The following RTL9 variants were observed in gnomAD, a reference collection of about 807,000 sequenced individuals.
RTL9 encodes the protein retrotransposon Gag-like protein 9.
RTL9 carries 19 observed loss-of-function variants against 44.7 expected under a neutral mutation model. The observed-to-expected ratio is 0.42, with a 90% CI of 0.30 to 0.62. The LOEUF (loss-of-function observed/expected upper bound fraction) is 0.62, where lower values mean the gene tolerates loss of function less well. Ranked by LOEUF, RTL9 falls within the 20% of genes least tolerant of loss-of-function variation. The probability of loss-of-function intolerance (pLI) is 0.16; values close to 1 mark genes in which losing one functional copy is unlikely to be tolerated. For missense variants in RTL9, 1,105 were observed against 1,080.6 expected (o/e 1.02, Z -0.32); for synonymous variants, 407 against 398.9 (o/e 1.02, Z -0.24).
At position 110,392,001 on chromosome X, in the gene RTL9, CAAT is replaced by C. The variant is rs1182523843; in HGVS notation, c.-168+33090_-168+33092del. ...AAACATAATGTTTCATTTAAAAGAC[CAAT>C]AATATTGAATTAAGATAAAGTTCCC... On this transcript the variant is annotated intron_variant, in intron 1 of 2. Transcript: ENST00000520821. Among the ~76,000 whole-genome samples, 5 of 111,960 alleles carry C rather than the reference CAAT, an allele frequency of 4.5e-5. No homozygotes were observed. The South Asian group carries it at 1.8e-3, about 41-fold the overall frequency.
At chrX:110,452,872 A>C (rs764974976) in exon 1 of RTL9, 10 of 1,211,150 alleles carry the variant, frequency 8.3e-6, no homozygotes, top group Non-Finnish European at 1.1e-5. Context: ...CCAACCTCTG[A>C]TGTGATGTCC....
chrX:110,451,100 T>G, exon 1 of RTL9: 1 of 1,212,324 alleles, frequency 8.2e-7, no homozygotes, highest in Non-Finnish European at 1.1e-6. Context: ...CACCAGATTC[T>G]GCAGAGATAT....
chrX:110,452,859 TC>T lies in RTL9; in HGVS notation c.2246del (p.Pro749GlnfsTer5). 1 of 1,210,555 alleles carries T rather than the reference TC, an allele frequency of 8.3e-7. No individual in the cohort carries two copies. The highest frequency in any genetic ancestry group is 1.1e-6 in the Non-Finnish European group (1 of 895,149). Reference sequence around the variant, plus strand: ...GACCGCTGGAGGGATGCAGATGAATTCCCCAACCTCTGATGTGATGTCCACA... The same window carrying T: ...GACCGCTGGAGGGATGCAGATGAATTCCCAACCTCTGATGTGATGTCCACA... On this transcript the variant is annotated frameshift_variant, in exon 1 of 2. Transcript: ENST00000540313. LOFTEE classifies it high-confidence loss of function.
chrX:110,426,397 T>G (rs1418493253), intron 1 of RTL9, among the ~76,000 whole-genome samples: 1 of 111,903 alleles, frequency 8.9e-6, no homozygotes, highest in Non-Finnish European at 1.9e-5. Context: ...GCTGGTAGTC[T>G]GCTTGCCCAC....
chrX:110,453,481 G>T, exon 1 of RTL9: 1 of 1,212,009 alleles, frequency 8.3e-7, no homozygotes, highest in Non-Finnish European at 1.1e-6. Flanking sequence ...CCATTAATGA[G>T]AGCCCCGGCC....
intron 1 of RTL9, among the ~76,000 whole-genome samples, chrX:110,359,297 CT>C (rs750661684): frequency 9.0e-6 from 1 of 110,915 alleles, no homozygotes; most frequent in Non-Finnish European, 1.9e-5. Flanking sequence ...ACCCCTTTGG[CT>C]TTTTTTTCAC....
intron 1 of RTL9, among the ~76,000 whole-genome samples, chrX:110,384,226 A>T (rs180961386): frequency 3.6e-5 from 4 of 111,109 alleles, no homozygotes; most frequent in Non-Finnish European, 7.5e-5. Flanking sequence ...TCTCCCCCAT[A>T]GTGCCTGGTG....
chrX:110,450,939 T>C, exon 1 of RTL9: 1 of 1,211,803 alleles, frequency 8.3e-7, no homozygotes. Flanking sequence ...AATGCCAGCC[T>C]CAGACTCTGG....
Position 110,378,165 on chromosome X carries a change from G to C in RTL9, c.-168+19249G>C, listed in dbSNP as rs941518685. 6.3e-5 allele frequency among the ~76,000 whole-genome samples: 7 copies of C among 111,658 alleles called. No homozygotes were observed. In the South Asian group the frequency reaches 2.6e-3, roughly 42 times the overall value. On this transcript the variant is annotated intron_variant, in intron 1 of 2. Coordinates refer to the RTL9 transcript ENST00000520821. ...CCCATTTTTTTGGCTACAAGGCTCA[G>C]CTTTGGGGCTGTAAATGTGAAATAT...
At chrX:110,364,644 GA>G in intron 1 of RTL9, among the ~76,000 whole-genome samples, 1 of 111,629 alleles carries the variant, frequency 9.0e-6, no homozygotes, top group Non-Finnish European at 1.9e-5. Context: ...GGCTAAAATG[GA>G]AAAAATTGAG....
chrX:110,441,065 C>T (rs2068876553), intron 1 of RTL9, among the ~76,000 whole-genome samples: 1 of 111,728 alleles, frequency 9.0e-6, no homozygotes, highest in Admixed American at 9.5e-5. Flanking sequence ...TTGGACTGGC[C>T]CTGGGGTTTA....
chrX:110,404,399 C>T (rs750551971), intron 1 of RTL9, among the ~76,000 whole-genome samples: 1 of 111,601 alleles, frequency 9.0e-6, no homozygotes, highest in Non-Finnish European at 1.9e-5. Context: ...GGTGCTTTTC[C>T]GATCAGTTTC....
intron 1 of RTL9, among the ~76,000 whole-genome samples, chrX:110,399,280 G>T (rs1254771738): frequency 1.8e-5 from 2 of 112,358 alleles, no homozygotes; most frequent in African/African-American, 3.2e-5. Flanking sequence ...ACTTAGAAAT[G>T]CAGAAGCCTA....
At position 110,454,326 on chromosome X, in the gene RTL9, G is replaced by T; in HGVS notation, c.3709G>T (p.Ala1237Ser). Residue 1237 changes from alanine (A) to serine (S), a missense_variant, in exon 1 of 2, where the codon GCT becomes TCT. Coordinates refer to ENST00000540313, the Ensembl canonical transcript of RTL9. The stretch of plus-strand genomic sequence containing the variant: ...CCTATCTGAGATAGACATCCTCAGT[G>T]CTGTTCTTTGCCATCCCAAACAGGG... 1 of 1,211,931 alleles carries T rather than the reference G, an allele frequency of 8.3e-7. No homozygotes were observed.
At chrX:110,409,593 TCTTGG>T (rs1308724939) in intron 1 of RTL9, among the ~76,000 whole-genome samples, 1 of 110,566 alleles carries the variant, frequency 9.0e-6, no homozygotes, top group Non-Finnish European at 1.9e-5. Flanking sequence ...TCTCAGGCTG[TCTTGG>T]CCTTCAGGCA....
chrX:110,447,743 G>A (rs2068916154), upstream of RTL9, among the ~76,000 whole-genome samples: 1 of 110,440 alleles, frequency 9.1e-6, no homozygotes. Flanking sequence ...AGTTGTTGTT[G>A]GTCGTTAATT....
upstream of RTL9, among the ~76,000 whole-genome samples, chrX:110,447,286 G>T (rs1298630982): frequency 9.2e-6 from 1 of 108,355 alleles, no homozygotes; most frequent in African/African-American, 3.4e-5. Context: ...GAATTTAAAG[G>T]ACCTAGCTCA....
upstream of RTL9, among the ~76,000 whole-genome samples, chrX:110,415,526 G>A (rs1304703302): frequency 2.7e-5 from 3 of 111,382 alleles, no homozygotes; most frequent in African/African-American, 6.5e-5. Context: ...TGGAGGAATC[G>A]ACAACCAATA....
upstream of RTL9, among the ~76,000 whole-genome samples, chrX:110,416,401 T>C (rs767398611): frequency 4.5e-5 from 5 of 112,197 alleles, no homozygotes; most frequent in Non-Finnish European, 5.6e-5. Context: ...AAATGTTAGA[T>C]TATTTACTTC....
Sources: gnomAD v4.1 joint callset for allele counts (sites outside exome capture counted in the v4.1 genomes callset) on GRCh38, gnomAD v4.1.1 for gene constraint, MANE v1.5 for transcripts, NCBI Gene and HGNC (gene_info 2026-07-23, HGNC 2026-07-21) for gene names.